The following CPVL variants were observed in gnomAD, a reference collection of about 807,000 sequenced individuals.
The protein encoded by CPVL is probable serine carboxypeptidase CPVL.
CPVL carries 51 observed loss-of-function variants against 63.7 expected under a neutral mutation model. The observed-to-expected ratio is 0.80, with a 90% CI of 0.64 to 1.01. The LOEUF (loss-of-function observed/expected upper bound fraction) is 1.01. CPVL is among the 50% of genes least tolerant of loss of function. The pLI is 0.00. For synonymous variants in CPVL, 195 were observed against 206.0 expected (o/e 0.95, Z 0.46); for missense variants, 530 against 573.1 (o/e 0.92, Z 0.77).
chr7:29,006,392 C>A (rs1016152649), intron 12 of CPVL, among the ~76,000 whole-genome samples: 2 of 152,202 alleles, frequency 1.3e-5, no homozygotes, highest in Non-Finnish European at 2.9e-5. Context: ...AGGTCTAAAA[C>A]TTCTTTGAAA....
chr7:29,069,770 ATGTGTGTG>A (rs70977102), intron 9 of CPVL, among the ~76,000 whole-genome samples: 9,707 of 132,032 alleles, frequency 0.074, 366 homozygotes, highest in East Asian at 0.15. Flanking sequence ...TCACCAGTAA[ATGTGTGTG>A]TGTGTGTGTG....
chr7:29,040,638 AG>A (rs1562736456), intron 11 of CPVL, among the ~76,000 whole-genome samples: 1 of 152,190 alleles, frequency 6.6e-6, no homozygotes, highest in Non-Finnish European at 1.5e-5. Flanking sequence ...TTTAAGGAAA[AG>A]GGAAGACAAG....
At chr7:29,034,103 C>CT (rs1249266638) in intron 11 of CPVL, among the ~76,000 whole-genome samples, 1 of 151,994 alleles carries the variant, frequency 6.6e-6, no homozygotes, top group African/African-American at 2.4e-5. Context: ...GGTTACAATC[C>CT]TTTTTTTAAA....
At chr7:29,131,269 G>A (rs538947484) in intron 1 of CPVL, among the ~76,000 whole-genome samples, 75 of 152,228 alleles carry the variant, frequency 4.9e-4, no homozygotes, top group Admixed American at 1.2e-3. Context: ...AGGATACACC[G>A]GGTGGCAAAT....
At chr7:29,116,114 T>C (rs779332621) in intron 2 of CPVL, among the ~76,000 whole-genome samples, 6 of 152,202 alleles carry the variant, frequency 3.9e-5, no homozygotes, top group South Asian at 2.1e-4. Context: ...TGTTAACAAA[T>C]GAATGGATGA....
chr7:29,191,417 T>G (rs1782877508), intron 1 of CPVL, among the ~76,000 whole-genome samples: 1 of 152,084 alleles, frequency 6.6e-6, no homozygotes, highest in African/African-American at 2.4e-5. Flanking sequence ...TTGAACCCTT[T>G]TGGTATGTAG....
At chr7:29,012,203 A>C (rs943853170) in intron 12 of CPVL, 10 of 152,070 alleles carry the variant, frequency 6.6e-5, no homozygotes, top group African/African-American at 2.4e-4. Flanking sequence ...TTTGACATGG[A>C]ATTGTATGAA....
Position 29,095,194 on chromosome 7 carries a change from C to T in CPVL, c.404-52G>A, listed in dbSNP as rs182702853. On this transcript the variant is annotated intron_variant, in intron 4 of 12. Coordinates refer to ENST00000265394, the MANE Select transcript of CPVL (RefSeq NM_031311.5). ...ATAGAGTCGTGGACAAGCATTCCAC[C>T]GAGGCCTCATGGTGGTCAGAAGCCC... The T allele has an allele frequency of 9.3e-5, 140 of 1,510,462 alleles. No homozygotes were observed. In the African/African-American group the frequency reaches 1.4e-3, roughly 15 times the overall value. 93.6% of individuals were successfully genotyped at this position (1,510,462 alleles called of 1,614,324 possible). A position where few individuals can be genotyped will look rare whatever the true frequency, so the allele number is the denominator to read the frequency against.
At chr7:29,072,552 C>A in intron 7 of CPVL, 129 bp from the exon 8 acceptor site, 5 of 1,013,130 alleles carry the variant, frequency 4.9e-6, no homozygotes, top group Non-Finnish European at 7.1e-6. Flanking sequence ...GTTTCTTAAC[C>A]CCACATTATA....
chr7:29,040,607 A>G (rs1788973048), intron 11 of CPVL, among the ~76,000 whole-genome samples: 1 of 152,172 alleles, frequency 6.6e-6, no homozygotes, highest in South Asian at 2.1e-4. Context: ...TCTTAAAAAG[A>G]GACATATTTT....
intron 11 of CPVL, among the ~76,000 whole-genome samples, chr7:29,040,663 TTAGAA>T (rs1788977219): frequency 6.6e-6 from 1 of 152,156 alleles, no homozygotes; most frequent in African/African-American, 2.4e-5. Flanking sequence ...GTAAGTGAAC[TTAGAA>T]TAAACAGCCC....
chr7:29,136,056 TG>T (rs1396359565), intron 1 of CPVL, among the ~76,000 whole-genome samples: 1 of 152,086 alleles, frequency 6.6e-6, no homozygotes, highest in Non-Finnish European at 1.5e-5. Context: ...GAACTAGGAC[TG>T]AAGAGGGGAA....
At chr7:29,068,908 C>G (rs1390501920) in intron 9 of CPVL, among the ~76,000 whole-genome samples, 2 of 150,468 alleles carry the variant, frequency 1.3e-5, no homozygotes, top group Non-Finnish European at 3.0e-5. Flanking sequence ...TGGTCTCGAT[C>G]TCCTGACCTC....
At chr7:29,070,925 C>T (rs536716836) in intron 9 of CPVL, among the ~76,000 whole-genome samples, 2 of 152,264 alleles carry the variant, frequency 1.3e-5, no homozygotes, top group African/African-American at 4.8e-5. Flanking sequence ...GCTTTAATAA[C>T]AATAACGACA....
chr7:29,133,202 A>AC lies in CPVL; in HGVS notation c.-10-12132_-10-12131insG, dbSNP rs1365372487. ...CAGCAGTTTCTGAAGGCAAAAAAAA[A>AC]AAAAACAAAAAACGCTGTTTTCTTT... On this transcript the variant is annotated intron_variant, in intron 1 of 12. Transcript: ENST00000265394. Among the ~76,000 whole-genome samples the AC allele has an allele frequency of 4.6e-5, 7 of 152,230 alleles. No individual in the cohort carries two copies. The South Asian group carries it at 1.2e-3, about 27-fold the overall frequency.
intron 12 of CPVL, among the ~76,000 whole-genome samples, chr7:29,024,466 G>T (rs958012203): frequency 2.0e-5 from 3 of 152,152 alleles, no homozygotes; most frequent in African/African-American, 7.2e-5. Flanking sequence ...AGTCTTGCAA[G>T]AGATATAGGC....
At chr7:29,107,175 A>G (rs1026336535) in intron 3 of CPVL, among the ~76,000 whole-genome samples, 2 of 152,230 alleles carry the variant, frequency 1.3e-5, no homozygotes, top group Non-Finnish European at 2.9e-5. Flanking sequence ...TGCCCTTTAT[A>G]AGGTAGCCGT....
chr7:29,099,940 T>A (rs951719726), intron 3 of CPVL, among the ~76,000 whole-genome samples: 1 of 152,142 alleles, frequency 6.6e-6, no homozygotes, highest in African/African-American at 2.4e-5. Context: ...CAAATGTACA[T>A]GAAATGATGC....
intron 1 of CPVL, among the ~76,000 whole-genome samples, chr7:29,131,256 A>T (rs1790664528): frequency 6.6e-6 from 1 of 152,196 alleles, no homozygotes; most frequent in Admixed American, 6.5e-5. Flanking sequence ...AAATAAGAAC[A>T]TTAGGATACA....
Sources: gnomAD v4.1 joint callset for allele counts (sites outside exome capture counted in the v4.1 genomes callset) on GRCh38, gnomAD v4.1.1 for gene constraint, MANE v1.5 for transcripts, NCBI Gene and HGNC (gene_info 2026-07-23, HGNC 2026-07-21) for gene names.